Variants in PIEZO2 observed in about 807,000 individuals in gnomAD.
The protein encoded by PIEZO2 is piezo-type mechanosensitive ion channel component 2.
Under a neutral mutation model 337.3 loss-of-function variants are expected in PIEZO2, and 172 were observed. That is an observed-to-expected ratio of 0.51 (90% CI 0.45 to 0.58). The LOEUF is 0.58. Among genes scored for constraint, PIEZO2 ranks in the 20% least tolerant of loss-of-function variants. The probability of loss-of-function intolerance (pLI) is 0.00; values close to 1 mark genes in which losing one functional copy is unlikely to be tolerated. For missense variants in PIEZO2, 3,028 were observed against 3,391.3 expected (o/e 0.89, Z 2.66); for synonymous variants, 1,251 against 1,228.5 (o/e 1.02, Z -0.38).
intron 35 of PIEZO2, among the ~76,000 whole-genome samples, chr18:10,732,626 G>C (rs1231221663): frequency 1.3e-5 from 2 of 152,126 alleles, no homozygotes; most frequent in African/African-American, 4.8e-5. Context: ...TGCAACATCT[G>C]TATTATTTCT....
rs2035534521 is a variant in PIEZO2, at chr18:11,001,534, T to C, written c.161-21874A>G. On this transcript the variant is annotated intron_variant, in intron 2 of 55. Transcript: ENST00000674853. The surrounding 1 kb of genome is among the most constrained non-coding windows in gnomAD (Gnocchi z 5.3). ...CTATGTAGCTGTATTTTGTTATGTGTTGTGTGTGCACATTTTCCAGAAATC... is the reference window on the plus strand; with the variant it reads ...CTATGTAGCTGTATTTTGTTATGTGCTGTGTGTGCACATTTTCCAGAAATC... 6.6e-6 allele frequency among the ~76,000 whole-genome samples: 1 copy of C among 152,120 alleles called. No individual in the cohort carries two copies.
chr18:10,950,076 T>A (rs2033221808), intron 3 of PIEZO2, among the ~76,000 whole-genome samples: 1 of 152,214 alleles, frequency 6.6e-6, no homozygotes, highest in Non-Finnish European at 1.5e-5. Context: ...TGAACTCGAT[T>A]TACATTTGGT....
At chr18:11,000,394 C>T (rs1477779696) in intron 2 of PIEZO2, among the ~76,000 whole-genome samples, 1 of 152,124 alleles carries the variant, frequency 6.6e-6, no homozygotes, top group Non-Finnish European at 1.5e-5. Context: ...GGCTTTATAT[C>T]CTATTATTTA....
Position 10,929,982 on chromosome 18 carries a change from G to T in PIEZO2, c.287-18754C>A, listed in dbSNP as rs570452249. Among the ~76,000 whole-genome samples, 12 of 152,322 alleles carry T rather than the reference G, an allele frequency of 7.9e-5. No individual in the cohort carries two copies. Among genetic ancestry groups the T allele is most frequent in the African/African-American group, 2.9e-4 (12 of 41,564 alleles). On this transcript the variant is annotated intron_variant, in intron 3 of 55. Coordinates refer to ENST00000674853, the MANE Select transcript of PIEZO2 (RefSeq NM_001378183.1). The surrounding 1 kb of genome is among the most constrained non-coding windows in gnomAD (Gnocchi z 5.6). ...TTTGGAGTTGAGGCACCACGGACCA[G>T]CATTAACATTAAAACAGAGATCCTA...
Position 11,048,870 on chromosome 18 carries a change from T to G in PIEZO2, c.160+17257A>C, listed in dbSNP as rs2037415141. On this transcript the variant is annotated intron_variant, in intron 2 of 55. Coordinates refer to ENST00000674853, the MANE Select transcript of PIEZO2 (RefSeq NM_001378183.1). The surrounding 1 kb of genome is among the most constrained non-coding windows in gnomAD (Gnocchi z 4.5). Reference sequence around the variant, plus strand: ...CTTATAATTAATAATCTGCACTTTTTGAAAGTTAAATATAAATTTTCATCT... The same window carrying G: ...CTTATAATTAATAATCTGCACTTTTGGAAAGTTAAATATAAATTTTCATCT... Among the ~76,000 whole-genome samples the G allele has an allele frequency of 6.6e-6, 1 of 152,216 alleles. No homozygotes were observed. The highest frequency in any genetic ancestry group is 1.5e-5 in the Non-Finnish European group (1 of 68,044).
At chr18:10,754,780 T>C (rs1379055329) in intron 27 of PIEZO2, among the ~76,000 whole-genome samples, 1 of 152,214 alleles carries the variant, frequency 6.6e-6, no homozygotes, top group African/African-American at 2.4e-5. Flanking sequence ...ATTTACTCAG[T>C]TCATATTGAG....
chr18:10,675,896 A>G (rs1273397298), intron 53 of PIEZO2, among the ~76,000 whole-genome samples: 1 of 152,138 alleles, frequency 6.6e-6, no homozygotes, highest in Non-Finnish European at 1.5e-5. Flanking sequence ...TCCCTTGCCC[A>G]CCGCCATGTA....
chr18:10,936,737 T>C (rs185367881), intron 3 of PIEZO2, among the ~76,000 whole-genome samples: 1 of 152,324 alleles, frequency 6.6e-6, no homozygotes, highest in African/African-American at 2.4e-5. Flanking sequence ...GGAATATATC[T>C]TTGCTAGAGA....
chr18:10,916,310 C>T (rs1164298666), intron 3 of PIEZO2, among the ~76,000 whole-genome samples: 4 of 152,176 alleles, frequency 2.6e-5, no homozygotes, highest in South Asian at 2.1e-4. Flanking sequence ...CTTGGGTGGC[C>T]GATGGGACCA....
rs1000058744 is a variant in PIEZO2, at chr18:10,705,383, T to C, written c.5952A>G (p.Leu1984=). 6.5e-7 allele frequency: 1 copy of C among 1,536,842 alleles called. No individual in the cohort carries two copies. The highest frequency in any genetic ancestry group is 1.4e-5 in the African/African-American group (1 of 72,968). The change falls in exon 41 of 56, where the codon TTA becomes TTG. Residue 1984 remains leucine, a synonymous_variant. Coordinates refer to ENST00000674853, the MANE Select transcript of PIEZO2 (RefSeq NM_001378183.1). ...CCGTCAGCTCATGGGTCAGGGGAGG[T>C]AAGATGCTGGACCCCAGCTTGTCGG... ...SRTDKLGSSI[L]PPLTHELTAS...
Position 11,047,929 on chromosome 18 carries a change from A to G in PIEZO2, c.160+18198T>C, listed in dbSNP as rs2037377597. Among the ~76,000 whole-genome samples the G allele has an allele frequency of 1.3e-5, 2 of 152,208 alleles. No individual in the cohort carries two copies. The highest frequency in any genetic ancestry group is 6.5e-5 in the Admixed American group (1 of 15,282). ...CAGGTTGCCAGGAAAGAGGAAAAAC[A>G]GGCATCTTGAGGACGTGAAATCCAC... is the stretch of plus-strand genomic sequence containing the variant. On this transcript the variant is annotated intron_variant, in intron 2 of 55. Coordinates refer to ENST00000674853, the MANE Select transcript of PIEZO2 (RefSeq NM_001378183.1). This position sits in a 1 kb window ranked among gnomAD's most constrained non-coding sequence, Gnocchi z 7.2.
At position 10,794,685 on chromosome 18, in the gene PIEZO2, T is replaced by A. The variant is rs1291848533; in HGVS notation, c.1758+87A>T. 1 of 1,091,530 alleles carries A rather than the reference T, an allele frequency of 9.2e-7. No individual in the cohort carries two copies. Among genetic ancestry groups the A allele is most frequent in the East Asian group, 2.6e-5 (1 of 38,612 alleles). 67.6% of individuals were successfully genotyped at this position (1,091,530 alleles called of 1,614,324 possible). On this transcript the variant is annotated intron_variant, in intron 13 of 55. Transcript: ENST00000674853. This position sits in a 1 kb window ranked among gnomAD's most constrained non-coding sequence, Gnocchi z 6.6. ...CAAAGCAGTGAATATTTGGAACCTGTTTTTATAAGGTTTCTCTTGGATACG... is the reference window on the plus strand; with the variant it reads ...CAAAGCAGTGAATATTTGGAACCTGATTTTATAAGGTTTCTCTTGGATACG...
chr18:10,793,598 A>T (rs2039483393), intron 13 of PIEZO2, among the ~76,000 whole-genome samples: 1 of 152,222 alleles, frequency 6.6e-6, no homozygotes, highest in Non-Finnish European at 1.5e-5. Flanking sequence ...TTGATTTTTT[A>T]AAATAGAATA....
intron 2 of PIEZO2, among the ~76,000 whole-genome samples, chr18:11,061,411 T>C (rs2037950889): frequency 6.6e-6 from 1 of 150,576 alleles, no homozygotes; most frequent in South Asian, 2.2e-4. Context: ...GCCAGGGCAA[T>C]CAGGCAGGAG....
At chr18:10,782,479 A>T (rs2039061649) in intron 17 of PIEZO2, among the ~76,000 whole-genome samples, 1 of 127,362 alleles carries the variant, frequency 7.9e-6, no homozygotes, top group Admixed American at 9.7e-5. Context: ...AATAATATAT[A>T]TTATATTAAA....
chr18:11,103,063 G>C (rs943044837), intron 1 of PIEZO2, among the ~76,000 whole-genome samples: 1 of 152,114 alleles, frequency 6.6e-6, no homozygotes, highest in African/African-American at 2.4e-5. Context: ...GGAGGGGTTT[G>C]AGAGGATGTG....
rs1171674373 is a variant in PIEZO2, at chr18:10,833,584, C to T, written c.917+21769G>A. 6.6e-6 allele frequency among the ~76,000 whole-genome samples: 1 copy of T among 152,198 alleles called. No individual in the cohort carries two copies. The highest frequency in any genetic ancestry group is 3.2e-3 in the Middle Eastern group (1 of 316). On this transcript the variant is annotated intron_variant, in intron 7 of 55. Coordinates refer to ENST00000674853, the MANE Select transcript of PIEZO2 (RefSeq NM_001378183.1). This position sits in a 1 kb window ranked among gnomAD's most constrained non-coding sequence, Gnocchi z 4.7. ...GAGAGATTGTACAGCCCAAACTGCACCTGAACCACGCAAGCTGTGAGGACC... is the reference window on the plus strand; with the variant it reads ...GAGAGATTGTACAGCCCAAACTGCATCTGAACCACGCAAGCTGTGAGGACC...
chr18:10,982,510 T>C lies in PIEZO2; in HGVS notation c.161-2850A>G, dbSNP rs2034707670. 6.6e-6 allele frequency among the ~76,000 whole-genome samples: 1 copy of C among 152,160 alleles called. No individual in the cohort carries two copies. The highest frequency in any genetic ancestry group is 2.4e-5 in the African/African-American group (1 of 41,448). On this transcript the variant is annotated intron_variant, in intron 2 of 55. Coordinates refer to ENST00000674853, the MANE Select transcript of PIEZO2 (RefSeq NM_001378183.1). This position sits in a 1 kb window ranked among gnomAD's most constrained non-coding sequence, Gnocchi z 4.1. ...AAATTCAGTACAGTTTAAAATAAAA[T>C]GCCAGTAGAAACTTTTACACCTTTG...
chr18:10,686,187 T>C (rs612937), intron 49 of PIEZO2, among the ~76,000 whole-genome samples: 66,400 of 152,032 alleles, frequency 0.44, 15,446 homozygotes, highest in East Asian at 0.72. Context: ...GTCCCTGCAG[T>C]TGGGTGTCAG....
Sources: gnomAD v4.1 joint callset for allele counts (sites outside exome capture counted in the v4.1 genomes callset) on GRCh38, gnomAD v4.1.1 for gene constraint, Gnocchi (gnomAD v3.1) non-coding constraint, MANE v1.5 for transcripts, NCBI Gene and HGNC (gene_info 2026-07-23, HGNC 2026-07-21) for gene names.